Variants in AFG1L observed in about 807,000 individuals in gnomAD.
The protein encoded by AFG1L is AFG1-like ATPase.
A neutral mutation model predicts 62.2 loss-of-function variants in AFG1L; 53 were observed. The observed-to-expected ratio is 0.85, with a 90% CI of 0.68 to 1.07. The LOEUF (loss-of-function observed/expected upper bound fraction) is 1.07, where lower values mean the gene tolerates loss of function less well. Among genes scored for constraint, AFG1L ranks in the 50% least tolerant of loss-of-function variants. AFG1L has a pLI of 0.00. For synonymous variants in AFG1L, 228 were observed against 210.3 expected, an observed-to-expected ratio of 1.08 and a Z score of -0.73; for missense variants, 555 against 590.5, an observed-to-expected ratio of 0.94 and a Z score of 0.62.
intron 8 of AFG1L, among the ~76,000 whole-genome samples, chr6:108,452,391 C>T (rs1011331630): frequency 1.3e-5 from 2 of 152,172 alleles, no homozygotes; most frequent in African/African-American, 4.8e-5. Context: ...CCTGGACTCA[C>T]ACTTGCTGTC....
chr6:108,435,601 G>A lies in AFG1L; in HGVS notation c.808-11613G>A, dbSNP rs147812304. On this transcript the variant is annotated intron_variant, in intron 7 of 12. Transcript: ENST00000368977. ...CTCAGGAGGCTGAGGTGGAAGAATC[G>A]CTTGAGGCCAGGAGAGAAGATGTTT... Among the ~76,000 whole-genome samples, 277 of 152,294 alleles carry A rather than the reference G, an allele frequency of 1.8e-3. 4 individuals are homozygous for A. The highest frequency in any genetic ancestry group is 1.2e-3 in the East Asian group (6 of 5,186).
intron 6 of AFG1L, among the ~76,000 whole-genome samples, chr6:108,391,391 G>A (rs2114594503): frequency 6.6e-6 from 1 of 152,228 alleles, no homozygotes; most frequent in African/African-American, 2.4e-5. Context: ...GTGATGTTGA[G>A]CATTTTTTCA....
intron 3 of AFG1L, among the ~76,000 whole-genome samples, chr6:108,352,015 T>TAA (rs1779102581): frequency 1.3e-5 from 2 of 152,206 alleles, no homozygotes; most frequent in Admixed American, 1.3e-4. Context: ...TCAGTAGTAT[T>TAA]GTCTGTTCAC....
intron 3 of AFG1L, among the ~76,000 whole-genome samples, chr6:108,350,925 A>T (rs1779055179): frequency 6.6e-6 from 1 of 152,198 alleles, no homozygotes; most frequent in South Asian, 2.1e-4. Flanking sequence ...TGCCTACTAC[A>T]CACCTAGGCT....
chr6:108,449,311 T>C (rs1771955290), intron 8 of AFG1L, among the ~76,000 whole-genome samples: 1 of 152,132 alleles, frequency 6.6e-6, no homozygotes, highest in Non-Finnish European at 1.5e-5. Context: ...GATAAATTTG[T>C]TCCTGAATTT....
chr6:108,335,411 C>A (rs1397307386), intron 2 of AFG1L, among the ~76,000 whole-genome samples: 1 of 152,178 alleles, frequency 6.6e-6, no homozygotes, highest in Non-Finnish European at 1.5e-5. Flanking sequence ...AGTCATAGAG[C>A]CTATCCATGT....
chr6:108,313,948 C>T (rs1363726807), intron 1 of AFG1L, among the ~76,000 whole-genome samples: 8 of 152,136 alleles, frequency 5.3e-5, no homozygotes, highest in Admixed American at 5.2e-4. Context: ...GGTGCAGTGG[C>T]TCATGCCTGT....
At chr6:108,348,065 GTTTTGTTTTTGTTTTTGT>G (rs368344668) in intron 3 of AFG1L, among the ~76,000 whole-genome samples, 17 of 151,952 alleles carry the variant, frequency 1.1e-4, no homozygotes, top group South Asian at 4.2e-4. Context: ...AGTAGGTTTT[GTTTTGTTTTTGTTTTTGT>G]TTTTGTTTTT....
At chr6:108,337,703 G>A (rs1778524328) in intron 2 of AFG1L, among the ~76,000 whole-genome samples, 1 of 152,106 alleles carries the variant, frequency 6.6e-6, no homozygotes, top group Non-Finnish European at 1.5e-5. Flanking sequence ...CAGTTAAGTA[G>A]AAACCTAAAT....
intron 6 of AFG1L, among the ~76,000 whole-genome samples, chr6:108,386,987 CAA>C (rs1187801086): frequency 3.9e-5 from 6 of 151,934 alleles, no homozygotes; most frequent in Non-Finnish European, 8.8e-5. Context: ...AGAAGGAAAA[CAA>C]ATAATAAAAT....
intron 6 of AFG1L, among the ~76,000 whole-genome samples, chr6:108,367,464 G>C (rs1196086287): frequency 6.6e-6 from 1 of 152,090 alleles, no homozygotes; most frequent in Non-Finnish European, 1.5e-5. Flanking sequence ...GGCAGGTTCT[G>C]GATGTACTAT....
chr6:108,346,844 C>T (rs1290793841), intron 2 of AFG1L, 144 bp from the exon 3 acceptor site: 5 of 610,032 alleles, frequency 8.2e-6, no homozygotes, highest in Non-Finnish European at 1.2e-5. Context: ...CAGCTTTAAA[C>T]ACTTTTATAT....
intron 6 of AFG1L, among the ~76,000 whole-genome samples, chr6:108,400,717 TA>T (rs1781542701): frequency 1.6e-5 from 2 of 124,276 alleles, no homozygotes; most frequent in East Asian, 2.0e-4. Flanking sequence ...ATATATTTAA[TA>T]TATATTATAT....
intron 7 of AFG1L, among the ~76,000 whole-genome samples, chr6:108,404,516 G>A (rs139715632): frequency 0.029 from 4,343 of 151,734 alleles, 95 homozygotes; most frequent in Middle Eastern, 0.085. Context: ...AGTACTCTTC[G>A]GTTGTTTTGT....
chr6:108,397,060 G>C (rs551523410), intron 6 of AFG1L, among the ~76,000 whole-genome samples: 1 of 151,760 alleles, frequency 6.6e-6, no homozygotes, highest in East Asian at 1.9e-4. Context: ...ACAAAGTCTT[G>C]CTCTGTTGCC....
chr6:108,355,835 C>A, intron 4 of AFG1L, 80 bp downstream of exon 4: 2 of 948,318 alleles, frequency 2.1e-6, no homozygotes, highest in Non-Finnish European at 3.3e-6. Flanking sequence ...TGAACATATA[C>A]TCTTTAAAAA....
At chr6:108,356,900 C>T in intron 5 of AFG1L, 80 bp downstream of exon 5, 1 of 1,215,486 alleles carries the variant, frequency 8.2e-7, no homozygotes, top group Non-Finnish European at 1.2e-6. Context: ...CTGATTTTAT[C>T]ATTGGTTTAT....
intron 8 of AFG1L, among the ~76,000 whole-genome samples, chr6:108,465,656 ACTGCTG>A (rs10574143): frequency 2.1e-3 from 322 of 150,806 alleles, no homozygotes; most frequent in African/African-American, 7.5e-3. Context: ...TCATAGAGTC[ACTGCTG>A]CTGCTGCTGC....
At chr6:108,378,850 GTTA>G (rs760891444) in intron 6 of AFG1L, among the ~76,000 whole-genome samples, 1 of 150,398 alleles carries the variant, frequency 6.6e-6, no homozygotes. Context: ...TAATGTTGTT[GTTA>G]TTATTATTAT....
Sources: gnomAD v4.1 joint callset for allele counts (sites outside exome capture counted in the v4.1 genomes callset) on GRCh38, gnomAD v4.1.1 for gene constraint, MANE v1.5 for transcripts, NCBI Gene and HGNC (gene_info 2026-07-23, HGNC 2026-07-21) for gene names.